The following TMCC1 variants were observed in gnomAD, a reference collection of about 807,000 sequenced individuals.
The protein encoded by TMCC1 is transmembrane and coiled-coil domain family 1.
A neutral mutation model predicts 52.4 loss-of-function variants in TMCC1; 15 were observed. The ratio of observed to expected loss-of-function variants is 0.29; its 90% confidence interval spans 0.19 to 0.44. The LOEUF (loss-of-function observed/expected upper bound fraction) is 0.44. TMCC1 is among the 20% of genes least tolerant of loss of function. The probability of loss-of-function intolerance (pLI) is 1.00; values close to 1 mark genes in which losing one functional copy is unlikely to be tolerated. For missense variants in TMCC1, 503 were observed against 806.0 expected, an observed-to-expected ratio of 0.62 and a Z score of 4.55; for synonymous variants, 279 against 301.9, an observed-to-expected ratio of 0.92 and a Z score of 0.79.
At chr3:129,716,255 C>T (rs1015774686) in intron 4 of TMCC1, among the ~76,000 whole-genome samples, 24 of 149,904 alleles carry the variant, frequency 1.6e-4, no homozygotes, top group African/African-American at 5.6e-4. Context: ...CTCTGCCTCC[C>T]GGGTTCAAGC....
At chr3:129,878,966 C>T (rs181640858) in intron 2 of TMCC1, among the ~76,000 whole-genome samples, 1 of 152,334 alleles carries the variant, frequency 6.6e-6, no homozygotes, top group African/African-American at 2.4e-5. Context: ...ATGCTCTTCT[C>T]ATATATGTGT....
intron 2 of TMCC1, among the ~76,000 whole-genome samples, chr3:129,859,374 G>A (rs185716344): frequency 5.9e-5 from 9 of 152,204 alleles, no homozygotes; most frequent in African/African-American, 2.2e-4. Context: ...TAGCTCACGC[G>A]TTATCCCAGC....
intron 2 of TMCC1, among the ~76,000 whole-genome samples, chr3:129,869,607 T>G (rs1354985006): frequency 6.6e-6 from 1 of 152,118 alleles, no homozygotes; most frequent in African/African-American, 2.4e-5. Context: ...TGTTGAACAC[T>G]CAGTGTCATA....
chr3:129,863,547 G>A (rs1476174054), intron 2 of TMCC1, among the ~76,000 whole-genome samples: 2 of 152,098 alleles, frequency 1.3e-5, no homozygotes, highest in Non-Finnish European at 2.9e-5. Flanking sequence ...AAAAAGAACA[G>A]AACCAATCCT....
At chr3:129,798,524 C>CAAAAAAAAAAAAAAAAAAAAAA (rs796919072) in intron 4 of TMCC1, among the ~76,000 whole-genome samples, 1 of 67,900 alleles carries the variant, frequency 1.5e-5, no homozygotes, top group Non-Finnish European at 3.2e-5. Context: ...TCTTCCTATC[C>CAAAAAAAAAAAAAAAAAAAAAA]AAAAAAAAAA....
intron 4 of TMCC1, among the ~76,000 whole-genome samples, chr3:129,759,559 T>C (rs930856701): frequency 8.0e-5 from 12 of 149,154 alleles, no homozygotes; most frequent in African/African-American, 2.9e-4. Flanking sequence ...TGAGCCACCA[T>C]GCCAGGCCTA....
intron 4 of TMCC1, among the ~76,000 whole-genome samples, chr3:129,698,195 C>T (rs1237996204): frequency 6.6e-6 from 1 of 152,148 alleles, no homozygotes; most frequent in Admixed American, 6.5e-5. Context: ...CTCATAGTTC[C>T]ACATGGCTGG....
intron 2 of TMCC1, among the ~76,000 whole-genome samples, chr3:129,851,069 T>A (rs887134271): frequency 1.3e-5 from 2 of 152,216 alleles, no homozygotes; most frequent in African/African-American, 4.8e-5. Flanking sequence ...TTATGGCCAG[T>A]TTTGGGGCCA....
chr3:129,880,314 C>T lies in TMCC1; in HGVS notation c.-189G>A, dbSNP rs1020663243. Reference sequence around the variant, plus strand: ...TAGAAGAAAAAACGACATACCTCCTCAAAATCCCAGCAATAGCTTCCCTTT... The same window carrying T: ...TAGAAGAAAAAACGACATACCTCCTTAAAATCCCAGCAATAGCTTCCCTTT... On this transcript the variant is annotated 5_prime_UTR_variant, in exon 2 of 7. Coordinates refer to ENST00000393238, the MANE Select transcript of TMCC1 (RefSeq NM_001017395.5). The T allele has an allele frequency of 6.6e-6, 1 of 152,176 alleles. No individual in the cohort carries two copies. Among genetic ancestry groups the T allele is most frequent in the African/African-American group, 2.4e-5 (1 of 41,432 alleles). 9.4% of individuals were successfully genotyped at this position (152,176 alleles called of 1,614,324 possible). A position where few individuals can be genotyped will look rare whatever the true frequency, so the allele number is the denominator to read the frequency against.
intron 4 of TMCC1, among the ~76,000 whole-genome samples, chr3:129,681,274 G>C (rs1478737270): frequency 4.6e-5 from 7 of 152,014 alleles, no homozygotes; most frequent in Non-Finnish European, 1.0e-4. Context: ...TTATAAAAAG[G>C]GTCATTTCCA....
At chr3:129,781,490 C>T (rs185074728) in intron 4 of TMCC1, among the ~76,000 whole-genome samples, 5 of 152,262 alleles carry the variant, frequency 3.3e-5, no homozygotes, top group African/African-American at 9.6e-5. Context: ...GCTCTCAGAA[C>T]GGTTGTATAT....
intron 1 of TMCC1, among the ~76,000 whole-genome samples, chr3:129,881,928 A>G (rs1037586276): frequency 1.4e-4 from 21 of 152,232 alleles, no homozygotes; most frequent in African/African-American, 1.9e-4. Flanking sequence ...ATGTGTGACT[A>G]TTTGGAGAAA....
chr3:129,778,829 G>T (rs113989272), intron 4 of TMCC1, among the ~76,000 whole-genome samples: 1 of 152,124 alleles, frequency 6.6e-6, no homozygotes, highest in Non-Finnish European at 1.5e-5. Context: ...TGCCGTGATT[G>T]TAAGTTTCCT....
chr3:129,860,864 C>T (rs990180644), intron 2 of TMCC1: 7 of 152,238 alleles, frequency 4.6e-5, no homozygotes, highest in Non-Finnish European at 7.3e-5. Flanking sequence ...TTCCAAAGTA[C>T]TGGGATTACA....
intron 5 of TMCC1, among the ~76,000 whole-genome samples, chr3:129,668,270 A>G (rs1434957384): frequency 2.0e-5 from 3 of 152,212 alleles, no homozygotes; most frequent in African/African-American, 7.2e-5. Context: ...TGACTGTGGA[A>G]TGTCTTCATG....
intron 4 of TMCC1, among the ~76,000 whole-genome samples, chr3:129,684,411 G>A (rs906979950): frequency 6.6e-6 from 1 of 152,230 alleles, no homozygotes. Flanking sequence ...AGGAGTCGGG[G>A]AGAGTGGGAG....
chr3:129,741,762 C>G lies in TMCC1; in HGVS notation c.577-70498G>C, dbSNP rs533696100. Among the ~76,000 whole-genome samples the G allele has an allele frequency of 4.6e-5, 7 of 152,196 alleles. No homozygotes were observed. The South Asian group carries it at 1.5e-3, about 32-fold the overall frequency. On this transcript the variant is annotated intron_variant, in intron 4 of 6. Transcript: ENST00000393238. Reference sequence around the variant, plus strand: ...CTTATTATAATCACTGAAGATTCCACAACTTATTAAACAGAAGAGGTTGAG... The same window carrying G: ...CTTATTATAATCACTGAAGATTCCAGAACTTATTAAACAGAAGAGGTTGAG...
At chr3:129,733,762 G>A (rs1046796043) in intron 4 of TMCC1, among the ~76,000 whole-genome samples, 8 of 152,114 alleles carry the variant, frequency 5.3e-5, no homozygotes, top group Non-Finnish European at 4.4e-5. Context: ...GTATAATTAA[G>A]CACTAATATT....
intron 4 of TMCC1, among the ~76,000 whole-genome samples, chr3:129,675,985 C>T (rs1328598303): frequency 7.0e-6 from 1 of 143,086 alleles, no homozygotes. Context: ...TGCAGTGAGC[C>T]GAGATCGCGC....
Sources: gnomAD v4.1 joint callset for allele counts (sites outside exome capture counted in the v4.1 genomes callset) on GRCh38, gnomAD v4.1.1 for gene constraint, MANE v1.5 for transcripts, NCBI Gene and HGNC (gene_info 2026-07-23, HGNC 2026-07-21) for gene names.